MTUS2: variants seen among roughly 807,000 people sequenced by gnomAD.
MTUS2 encodes the protein microtubule associated scaffold protein 2, also known as microtubule-associated tumor suppressor candidate 2.
MTUS2 carries 40 observed loss-of-function variants against 114.1 expected under a neutral mutation model. The ratio of observed to expected loss-of-function variants is 0.35; its 90% confidence interval spans 0.27 to 0.46. MTUS2 has a LOEUF of 0.46. Ranked by LOEUF, MTUS2 falls within the 20% of genes least tolerant of loss-of-function variation. The pLI is 1.00. For synonymous variants in MTUS2, 688 were observed against 672.0 expected (o/e 1.02, Z -0.37); for missense variants, 1,679 against 1,705.4 (o/e 0.98, Z 0.27).
chr13:29,227,272 A>G (rs927717351), intron 5 of MTUS2, among the ~76,000 whole-genome samples: 1 of 151,556 alleles, frequency 6.6e-6, no homozygotes, highest in Non-Finnish European at 1.5e-5. Flanking sequence ...AAAAAAAAAA[A>G]AAAAGAAACT....
intron 2 of MTUS2, among the ~76,000 whole-genome samples, chr13:28,938,424 A>G (rs1377608139): frequency 6.6e-6 from 1 of 152,062 alleles, no homozygotes; most frequent in Admixed American, 6.6e-5. Context: ...AGAATTTGCT[A>G]AAAAAGAATA....
chr13:29,084,584 C>T (rs1029329376), intron 4 of MTUS2, among the ~76,000 whole-genome samples: 1 of 140,754 alleles, frequency 7.1e-6, no homozygotes, highest in Admixed American at 7.5e-5. Context: ...GTCGCCCAGG[C>T]TGGAGTGCAG....
intron 2 of MTUS2, among the ~76,000 whole-genome samples, chr13:28,996,498 G>A (rs796481338): frequency 6.6e-6 from 1 of 152,136 alleles, no homozygotes; most frequent in African/African-American, 2.4e-5. Context: ...TGTACCTCTG[G>A]TAGAATTCGG....
intron 5 of MTUS2, among the ~76,000 whole-genome samples, chr13:29,112,781 A>C (rs939011757): frequency 2.6e-5 from 4 of 152,172 alleles, no homozygotes; most frequent in African/African-American, 9.6e-5. Flanking sequence ...CAAAGGCATA[A>C]GGGATGAGTG....
chr13:29,013,814 T>A (rs1210874269), intron 2 of MTUS2, among the ~76,000 whole-genome samples: 1 of 152,216 alleles, frequency 6.6e-6, no homozygotes, highest in Non-Finnish European at 1.5e-5. Flanking sequence ...ATACCTACAT[T>A]GCAGGAAGAC....
intron 8 of MTUS2, among the ~76,000 whole-genome samples, chr13:29,390,756 G>GTGATGATGATGA (rs71090251): frequency 1.7e-4 from 25 of 146,694 alleles, no homozygotes; most frequent in African/African-American, 3.0e-4. Context: ...CCACCAAATG[G>GTGATGATGATGA]TGATGATGAT....
intron 2 of MTUS2, among the ~76,000 whole-genome samples, chr13:28,964,242 G>C (rs1426370748): frequency 6.6e-6 from 1 of 152,162 alleles, no homozygotes; most frequent in Admixed American, 6.6e-5. Context: ...TGCTGACTCT[G>C]CTGCTAAGTC....
At chr13:29,407,722 A>C (rs906559777) in intron 8 of MTUS2, among the ~76,000 whole-genome samples, 25 of 151,706 alleles carry the variant, frequency 1.6e-4, no homozygotes, top group South Asian at 2.1e-4. Context: ...CAAGTGATTC[A>C]CCTGCCGCAG....
At chr13:29,275,159 C>T (rs1399603836) in intron 5 of MTUS2, among the ~76,000 whole-genome samples, 1 of 152,238 alleles carries the variant, frequency 6.6e-6, no homozygotes, top group South Asian at 2.1e-4. Context: ...TTTTTTATTT[C>T]ATTGCAGTCC....
chr13:29,487,295 C>T (rs550356113), intron 10 of MTUS2, among the ~76,000 whole-genome samples: 6 of 152,258 alleles, frequency 3.9e-5, no homozygotes, highest in Admixed American at 2.6e-4. Context: ...GAAAGAGCCT[C>T]GCCTTTGGAG....
chr13:29,128,838 G>T (rs1194187908), intron 5 of MTUS2, among the ~76,000 whole-genome samples: 2 of 152,114 alleles, frequency 1.3e-5, no homozygotes, highest in Non-Finnish European at 2.9e-5. Context: ...TTTGATCAAT[G>T]CCTGGGTGTT....
intron 6 of MTUS2, among the ~76,000 whole-genome samples, chr13:29,299,072 C>T (rs1489803100): frequency 1.3e-5 from 2 of 152,100 alleles, no homozygotes; most frequent in Non-Finnish European, 2.9e-5. Flanking sequence ...TTAAAAGAAT[C>T]TTTGTGGGAG....
chr13:29,251,027 C>T (rs1480724392), intron 5 of MTUS2, among the ~76,000 whole-genome samples: 1 of 152,136 alleles, frequency 6.6e-6, no homozygotes, highest in African/African-American at 2.4e-5. Context: ...TCTTGCTCCA[C>T]ATGAAATGCT....
intron 4 of MTUS2, among the ~76,000 whole-genome samples, chr13:29,060,537 G>C (rs1888362109): frequency 7.5e-6 from 1 of 133,938 alleles, no homozygotes; most frequent in African/African-American, 2.8e-5. Flanking sequence ...GTTTCTCCTA[G>C]CCCTTCTTTT....
chr13:29,392,252 A>G (rs951612651), intron 8 of MTUS2, among the ~76,000 whole-genome samples: 2 of 151,490 alleles, frequency 1.3e-5, no homozygotes, highest in African/African-American at 2.4e-5. Flanking sequence ...CCTGGCCACC[A>G]CCATTCTATT....
intron 2 of MTUS2, among the ~76,000 whole-genome samples, chr13:28,941,400 T>C (rs188538536): frequency 6.6e-6 from 1 of 152,252 alleles, no homozygotes; most frequent in Admixed American, 6.5e-5. Flanking sequence ...ATGAATATAA[T>C]ACGTAAATAT....
rs373873956 is a variant in MTUS2, at chr13:28,828,282, A to G, written c.-316+7671A>G. ...TAAGGTTATCTCCCTTGTTCCCTCA[A>G]CATTGCTGTTATCCTGTTCTTTTTT... On this transcript the variant is annotated intron_variant, in intron 1 of 15. Transcript: ENST00000612955. Among the ~76,000 whole-genome samples the G allele has an allele frequency of 1.1e-3, 165 of 152,302 alleles. 1 individual carries two copies. Among genetic ancestry groups the G allele is most frequent in the African/African-American group, 3.8e-3 (159 of 41,560 alleles).
chr13:29,130,763 C>G (rs925368738), intron 5 of MTUS2, among the ~76,000 whole-genome samples: 2 of 151,960 alleles, frequency 1.3e-5, no homozygotes, highest in African/African-American at 4.8e-5. Context: ...GTAGCTGGGA[C>G]TACAGGCATG....
chr13:29,492,859 C>T (rs546854138), intron 12 of MTUS2, 140 bp downstream of exon 12: 337 of 673,230 alleles, frequency 5.0e-4, no homozygotes, highest in Non-Finnish European at 7.7e-4. Context: ...AAGTCATACT[C>T]GCTACTCTTA....
Sources: allele counts gnomAD v4.1 joint callset (sites outside exome capture counted in the v4.1 genomes callset), GRCh38; gene constraint gnomAD v4.1.1; transcripts MANE v1.5; gene names NCBI Gene and HGNC (gene_info 2026-07-23, HGNC 2026-07-21).